Variants in FYTTD1 observed in about 807,000 individuals in gnomAD.
The protein encoded by FYTTD1 is forty-two-three domain containing 1.
In FYTTD1, 22 loss-of-function variants were observed where a neutral mutation model predicts 40.9. The observed-to-expected ratio is 0.54, with a 90% CI of 0.38 to 0.77. The LOEUF (loss-of-function observed/expected upper bound fraction) is 0.77. FYTTD1 is among the 30% of genes least tolerant of loss of function. The pLI is 0.00. For missense variants in FYTTD1, 351 were observed against 392.2 expected (o/e 0.90, Z 0.89); for synonymous variants, 140 against 137.9 (o/e 1.01, Z -0.10).
At chr3:197,762,684 C>T (rs1023806040) in intron 2 of FYTTD1, among the ~76,000 whole-genome samples, 5 of 151,752 alleles carry the variant, frequency 3.3e-5, no homozygotes, top group African/African-American at 7.3e-5. Flanking sequence ...AGATCGAGAC[C>T]GTCCTGGCTA....
chr3:197,777,107 C>A (rs1729898764), intron 7 of FYTTD1, 106 bp downstream of exon 7: 1 of 691,560 alleles, frequency 1.4e-6, no homozygotes, highest in Non-Finnish European at 2.5e-6. Context: ...TTGGGATGAA[C>A]CAGGAAGACA....
chr3:197,762,407 GGT>G (rs1729414866), intron 2 of FYTTD1, among the ~76,000 whole-genome samples: 1 of 149,944 alleles, frequency 6.7e-6, no homozygotes, highest in East Asian at 2.0e-4. Context: ...TGGCCAATAT[GGT>G]GAAAGCTTGT....
chr3:197,775,207 C>G (rs1243966401), intron 6 of FYTTD1, among the ~76,000 whole-genome samples: 4 of 152,146 alleles, frequency 2.6e-5, no homozygotes, highest in Non-Finnish European at 4.4e-5. Context: ...TTCCTTTTCA[C>G]AGTCTTTTTT....
intron 2 of FYTTD1, chr3:197,763,513 G>A (rs1160841522): frequency 4.4e-6 from 2 of 451,646 alleles, no homozygotes; most frequent in South Asian, 3.1e-5. Context: ...GAAGAGGTTC[G>A]TGCTTGTAAT....
chr3:197,769,917 C>G (rs182917193), intron 3 of FYTTD1, among the ~76,000 whole-genome samples: 3 of 152,166 alleles, frequency 2.0e-5, no homozygotes, highest in African/African-American at 7.2e-5. Flanking sequence ...ACCTGTGGGT[C>G]CCCCGAGTAC....
At chr3:197,762,828 G>T (rs1465462188) in intron 2 of FYTTD1, among the ~76,000 whole-genome samples, 1 of 152,052 alleles carries the variant, frequency 6.6e-6, no homozygotes, top group African/African-American at 2.4e-5. Flanking sequence ...CTTGCAGTGA[G>T]CCGAGATCGC....
chr3:197,752,386 T>C (rs1606519), intron 1 of FYTTD1, among the ~76,000 whole-genome samples: 129,926 of 152,218 alleles, frequency 0.85, 55,602 homozygotes, highest in East Asian at 1. Flanking sequence ...AAACATTAAA[T>C]GAGTCAGAAG....
chr3:197,760,843 T>G (rs1729362704), intron 2 of FYTTD1, among the ~76,000 whole-genome samples: 1 of 151,922 alleles, frequency 6.6e-6, no homozygotes, highest in Non-Finnish European at 1.5e-5. Flanking sequence ...GTGTAGAGTG[T>G]TCTTCAGTGG....
At chr3:197,771,760 G>C (rs1729724774) in intron 4 of FYTTD1, among the ~76,000 whole-genome samples, 1 of 109,530 alleles carries the variant, frequency 9.1e-6, no homozygotes, top group Non-Finnish European at 1.8e-5. Context: ...CTGGGCGACA[G>C]AGCGAGACTC....
At chr3:197,762,408 G>A (rs1164560129) in intron 2 of FYTTD1, among the ~76,000 whole-genome samples, 1 of 151,652 alleles carries the variant, frequency 6.6e-6, no homozygotes, top group Non-Finnish European at 1.5e-5. Context: ...GGCCAATATG[G>A]TGAAAGCTTG....
intron 2 of FYTTD1, among the ~76,000 whole-genome samples, chr3:197,767,535 C>G (rs1177411756): frequency 6.6e-6 from 1 of 151,060 alleles, no homozygotes; most frequent in Non-Finnish European, 1.5e-5. Flanking sequence ...CAGGGTCTCA[C>G]TCTGTTGCAG....
chr3:197,752,331 G>C (rs1037658792), intron 1 of FYTTD1, among the ~76,000 whole-genome samples: 3 of 152,152 alleles, frequency 2.0e-5, no homozygotes, highest in African/African-American at 7.2e-5. Flanking sequence ...TGCCTCATCT[G>C]TAGAAAGGTG....
chr3:197,761,730 G>A (rs557527128), intron 2 of FYTTD1, among the ~76,000 whole-genome samples: 1 of 152,328 alleles, frequency 6.6e-6, no homozygotes, highest in Non-Finnish European at 1.5e-5. Context: ...TTAGTACTAA[G>A]GCGTTAATTG....
At chr3:197,758,387 ATTGGG>A (rs1729271224) in intron 2 of FYTTD1, among the ~76,000 whole-genome samples, 2 of 152,172 alleles carry the variant, frequency 1.3e-5, no homozygotes, top group South Asian at 2.1e-4. Context: ...CCCTAAACTG[ATTGGG>A]TCCTAGGGGG....
intron 5 of FYTTD1, 111 bp downstream of exon 5, chr3:197,773,610 A>C: frequency 1.6e-6 from 1 of 629,828 alleles, no homozygotes; most frequent in Non-Finnish European, 2.8e-6. Context: ...TGGGTTCAGG[A>C]TGTGAGGCAC....
intron 2 of FYTTD1, among the ~76,000 whole-genome samples, chr3:197,766,774 T>C (rs919435616): frequency 1.3e-5 from 2 of 152,060 alleles, no homozygotes; most frequent in African/African-American, 4.8e-5. Flanking sequence ...GGCTACAAAA[T>C]AGTATGTAGA....
chr3:197,754,030 G>C (rs765755722), intron 1 of FYTTD1, among the ~76,000 whole-genome samples: 1 of 152,118 alleles, frequency 6.6e-6, no homozygotes, highest in African/African-American at 2.4e-5. Flanking sequence ...GTGAGCTACC[G>C]CACCCGGCCT....
chr3:197,752,343 C>T (rs1729084279), intron 1 of FYTTD1, among the ~76,000 whole-genome samples: 2 of 152,112 alleles, frequency 1.3e-5, no homozygotes, highest in African/African-American at 4.8e-5. Flanking sequence ...AGAAAGGTGA[C>T]AGTAAGTAGT....
At chr3:197,769,973 T>C (rs1729668233) in intron 3 of FYTTD1, among the ~76,000 whole-genome samples, 159 bp from the exon 4 acceptor site, 1 of 152,214 alleles carries the variant, frequency 6.6e-6, no homozygotes, top group South Asian at 2.1e-4. Context: ...TTTTCAGTCA[T>C]GTAGACTGTA....
Sources: allele counts gnomAD v4.1 joint callset (sites outside exome capture counted in the v4.1 genomes callset), GRCh38; gene constraint gnomAD v4.1.1; transcripts MANE v1.5; gene names NCBI Gene and HGNC (gene_info 2026-07-23, HGNC 2026-07-21).